NTM: variants seen among roughly 807,000 people sequenced by gnomAD.
NTM encodes the protein neurotrimin.
Under a neutral mutation model 42.1 loss-of-function variants are expected in NTM, and 13 were observed. The observed-to-expected ratio is 0.31, with a 90% CI of 0.20 to 0.49. The LOEUF is 0.49. NTM is among the 20% of genes least tolerant of loss of function. The probability of loss-of-function intolerance (pLI) is 0.99; values close to 1 mark genes in which losing one functional copy is unlikely to be tolerated. For missense variants in NTM, 373 were observed against 452.8 expected (o/e 0.82, Z 1.60); for synonymous variants, 187 against 179.2 (o/e 1.04, Z -0.35).
chr11:132,138,015 C>T (rs2068282479), intron 2 of NTM, among the ~76,000 whole-genome samples: 1 of 152,182 alleles, frequency 6.6e-6, no homozygotes, highest in African/African-American at 2.4e-5. Flanking sequence ...AGTATTTTCC[C>T]CAGCTCCTTT....
At chr11:132,280,578 C>A (rs1336482732) in intron 4 of NTM, among the ~76,000 whole-genome samples, 2 of 148,376 alleles carry the variant, frequency 1.3e-5, no homozygotes, top group Non-Finnish European at 3.0e-5. Context: ...CTCCACCTCC[C>A]AGGTTCAAGC....
At chr11:132,287,169 TAGGCA>T (rs2094275587) in intron 4 of NTM, among the ~76,000 whole-genome samples, 1 of 152,226 alleles carries the variant, frequency 6.6e-6, no homozygotes, top group Admixed American at 6.5e-5. Context: ...TTAGGCCCTT[TAGGCA>T]AGGCCAGTTT....
At chr11:131,660,543 C>T in intron 1 of NTM, 2 of 457,662 alleles carry the variant, frequency 4.4e-6, no homozygotes, top group Non-Finnish European at 8.8e-6. Flanking sequence ...TCTCTGTGGC[C>T]TGTGAGAAAA....
intron 2 of NTM, among the ~76,000 whole-genome samples, chr11:132,083,712 C>T (rs769153792): frequency 6.6e-6 from 1 of 152,204 alleles, no homozygotes; most frequent in Non-Finnish European, 1.5e-5. Context: ...CATACCCTTA[C>T]AGTCAAACCC....
chr11:131,432,663 A>C (rs955555517), intron 1 of NTM, among the ~76,000 whole-genome samples: 4 of 152,046 alleles, frequency 2.6e-5, no homozygotes, highest in African/African-American at 4.8e-5. Flanking sequence ...TGTAATTTTC[A>C]AAAGAAAATT....
At chr11:131,904,666 C>T (rs186314091) in intron 1 of NTM, among the ~76,000 whole-genome samples, 3 of 152,344 alleles carry the variant, frequency 2.0e-5, no homozygotes, top group Non-Finnish European at 2.9e-5. Context: ...GGAGGTCAGA[C>T]ATTGTGGCTC....
intron 1 of NTM, among the ~76,000 whole-genome samples, chr11:131,826,618 A>C (rs1048822907): frequency 1.3e-5 from 2 of 152,078 alleles, no homozygotes; most frequent in Non-Finnish European, 2.9e-5. Flanking sequence ...AAGGTGAAAA[A>C]AGAATGGAGG....
At chr11:132,104,438 A>G (rs1285169288) in intron 2 of NTM, among the ~76,000 whole-genome samples, 1 of 151,980 alleles carries the variant, frequency 6.6e-6, no homozygotes, top group Non-Finnish European at 1.5e-5. Context: ...TAAAAGATAC[A>G]AAAATACCCT....
intron 1 of NTM, among the ~76,000 whole-genome samples, chr11:131,495,861 T>TG (rs1955287480): frequency 6.6e-6 from 1 of 152,210 alleles, no homozygotes; most frequent in Non-Finnish European, 1.5e-5. Flanking sequence ...CAATGATACA[T>TG]TTGACTTCAT....
rs1401005621 is a variant in NTM at position 132,295,157 on chromosome 11, C to G, written c.527-12532C>G. Among the ~76,000 whole-genome samples, 8 of 152,048 alleles carry G rather than the reference C, an allele frequency of 5.3e-5. No homozygotes were observed. In the South Asian group the frequency reaches 1.7e-3, roughly 32 times the overall value. Reference sequence around the variant, plus strand: ...TCACACACACAAACACACACACACACAGACACACACGAGAAAGAAAAACCT... The same window carrying G: ...TCACACACACAAACACACACACACAGAGACACACACGAGAAAGAAAAACCT... On this transcript the variant is annotated intron_variant, in intron 4 of 8. Coordinates refer to ENST00000683400, the MANE Select transcript of NTM (RefSeq NM_001352005.2).
chr11:132,151,866 C>A (rs2071978345), intron 3 of NTM, among the ~76,000 whole-genome samples: 1 of 152,140 alleles, frequency 6.6e-6, no homozygotes, highest in Non-Finnish European at 1.5e-5. Flanking sequence ...TAGGGAGACA[C>A]CCAGCCCAGG....
intron 1 of NTM, among the ~76,000 whole-genome samples, chr11:131,716,817 A>G (rs1378564386): frequency 6.6e-6 from 1 of 152,086 alleles, no homozygotes; most frequent in Non-Finnish European, 1.5e-5. Context: ...CTAATACGAT[A>G]CTGTTGATTA....
intron 1 of NTM, among the ~76,000 whole-genome samples, chr11:131,678,541 G>T (rs1403263390): frequency 2.6e-5 from 4 of 152,232 alleles, no homozygotes; most frequent in African/African-American, 9.6e-5. Context: ...TCCCAGTGTG[G>T]AGCTGTGAGA....
intron 1 of NTM, among the ~76,000 whole-genome samples, chr11:131,619,518 G>A (rs2062304791): frequency 6.6e-6 from 1 of 152,316 alleles, no homozygotes; most frequent in African/African-American, 2.4e-5. Flanking sequence ...AGTAGATATG[G>A]ATTTAGTACT....
At chr11:131,396,668 C>T (rs1407355684) in intron 1 of NTM, among the ~76,000 whole-genome samples, 2 of 151,880 alleles carry the variant, frequency 1.3e-5, no homozygotes, top group Non-Finnish European at 1.5e-5. Context: ...ACCCTGTCTC[C>T]ACTAAAAACA....
At chr11:132,163,116 T>C (rs2074673129) in intron 3 of NTM, among the ~76,000 whole-genome samples, 1 of 152,202 alleles carries the variant, frequency 6.6e-6, no homozygotes, top group African/African-American at 2.4e-5. Context: ...AGGCCCTGCC[T>C]GCCATTTGTT....
At chr11:132,185,555 C>T (rs2078263755) in intron 3 of NTM, among the ~76,000 whole-genome samples, 1 of 152,146 alleles carries the variant, frequency 6.6e-6, no homozygotes, top group Non-Finnish European at 1.5e-5. Flanking sequence ...TTCTTCCTTC[C>T]CCAACAGCTA....
chr11:131,405,797 A>G (rs1263322151), intron 1 of NTM, among the ~76,000 whole-genome samples: 1 of 152,112 alleles, frequency 6.6e-6, no homozygotes, highest in Non-Finnish European at 1.5e-5. Flanking sequence ...AGACCCTCAT[A>G]CATCCCCATC....
intron 1 of NTM, among the ~76,000 whole-genome samples, chr11:131,371,775 C>T (rs1941226524): frequency 6.6e-6 from 1 of 152,168 alleles, no homozygotes; most frequent in South Asian, 2.1e-4. Context: ...AATCTTCTTG[C>T]TCCCACCTGC....
Sources: gnomAD v4.1 joint callset for allele counts (sites outside exome capture counted in the v4.1 genomes callset) on GRCh38, gnomAD v4.1.1 for gene constraint, MANE v1.5 for transcripts, NCBI Gene and HGNC (gene_info 2026-07-23, HGNC 2026-07-21) for gene names.